Variants in TRPM7 observed in about 807,000 individuals in gnomAD.
TRPM7 encodes transient receptor potential cation channel subfamily M member 7.
Under a neutral mutation model 229.7 loss-of-function variants are expected in TRPM7, and 134 were observed. That is an observed-to-expected ratio of 0.58 (90% CI 0.51 to 0.67). The LOEUF (loss-of-function observed/expected upper bound fraction) is 0.67. TRPM7 is among the 30% of genes least tolerant of loss of function. The probability of loss-of-function intolerance (pLI) is 0.00; values close to 1 mark genes in which losing one functional copy is unlikely to be tolerated. For synonymous variants in TRPM7, 699 were observed against 715.2 expected (o/e 0.98, Z 0.36); for missense variants, 1,901 against 2,210.0 (o/e 0.86, Z 2.80).
chr15:50,565,201 C>T (rs1255176664), intron 38 of TRPM7, among the ~76,000 whole-genome samples: 1 of 151,970 alleles, frequency 6.6e-6, no homozygotes, highest in Non-Finnish European at 1.5e-5. Flanking sequence ...AGGCTGGTCT[C>T]GAACTCCTGA....
intron 10 of TRPM7, 63 bp from the exon 11 acceptor site, chr15:50,628,312 C>T (rs1315353724): frequency 1.4e-5 from 13 of 947,402 alleles, no homozygotes; most frequent in East Asian, 2.8e-5. Context: ...AAGGTGAACA[C>T]TTTTTTTTTT....
chr15:50,590,017 C>T (rs1171317026), intron 26 of TRPM7, among the ~76,000 whole-genome samples: 1 of 152,062 alleles, frequency 6.6e-6, no homozygotes, highest in Non-Finnish European at 1.5e-5. Flanking sequence ...GCCACCATGC[C>T]TGACTAATTT....
In TRPM7 at chr15:50,640,458, T is replaced by C. The variant is rs77782024; in HGVS notation, c.536-910A>G. Among the ~76,000 whole-genome samples the C allele has an allele frequency of 1.4e-3, 208 of 147,988 alleles. 2 individuals carry two copies. Among genetic ancestry groups the C allele is most frequent in the Non-Finnish European group, 1.5e-3 (102 of 66,818 alleles). ...TGCCGGGGTAATTTTTTTTTCTTTT[T>C]TTTTTTTTTTTTAGAAAGTGTCTTA... On this transcript the variant is annotated intron_variant, in intron 5 of 38. Coordinates refer to ENST00000646667, the MANE Select transcript of TRPM7 (RefSeq NM_017672.6).
intron 1 of TRPM7, among the ~76,000 whole-genome samples, chr15:50,672,279 C>A (rs2062006788): frequency 6.6e-6 from 1 of 151,980 alleles, no homozygotes. Context: ...TCTGGATCTC[C>A]TGACCTCGTG....
At position 50,654,802 on chromosome 15, in the gene TRPM7, C is replaced by T. The variant is rs918090851; in HGVS notation, c.122+2979G>A. Among the ~76,000 whole-genome samples the T allele has an allele frequency of 1.2e-4, 18 of 148,350 alleles. 1 individual carries two copies. The highest frequency in any genetic ancestry group is 3.0e-5 in the Non-Finnish European group (2 of 66,414). On this transcript the variant is annotated intron_variant, in intron 3 of 38. Coordinates refer to ENST00000646667, the MANE Select transcript of TRPM7 (RefSeq NM_017672.6). ...CACAAGGTCAGGAGATCAAGACCAT[C>T]CTGGCTAATAAGGTGAAACCCCATC...
Position 50,614,279 on chromosome 15 carries a change from T to C in TRPM7, c.1495-16A>G, listed in dbSNP as rs1241099326. ...GAAGATTTCCCTAGAAACAAAACAT[T>C]TGTTTTAAATAGATCAGATAGCACT... On this transcript the variant is annotated splice_polypyrimidine_tract_variant and intron_variant, in intron 13 of 38. Coordinates refer to ENST00000646667, the MANE Select transcript of TRPM7 (RefSeq NM_017672.6). The C allele has an allele frequency of 1.3e-6, 2 of 1,590,956 alleles. No individual in the cohort carries two copies. Among genetic ancestry groups the C allele is most frequent in the Admixed American group, 1.8e-5 (1 of 54,208 alleles).
At chr15:50,641,891 T>C (rs1453192901) in intron 5 of TRPM7, among the ~76,000 whole-genome samples, 2 of 151,800 alleles carry the variant, frequency 1.3e-5, no homozygotes, top group African/African-American at 2.4e-5. Context: ...TCCCAGCTAC[T>C]TGGGAGGCTG....
rs775350809 is a variant in TRPM7, at chr15:50,607,345, G to A, written c.2581-17C>T. On this transcript the variant is annotated splice_polypyrimidine_tract_variant and intron_variant, in intron 19 of 38. Coordinates refer to ENST00000646667, the MANE Select transcript of TRPM7 (RefSeq NM_017672.6). Reference sequence around the variant, plus strand: ...ATATGCCAACTAATGAAAAAGTAAAGGTTACATAAATAACATTGGTTACAA... The same window carrying A: ...ATATGCCAACTAATGAAAAAGTAAAAGTTACATAAATAACATTGGTTACAA... 7.2e-6 allele frequency: 11 copies of A among 1,523,620 alleles called. No homozygotes were observed. The highest frequency in any genetic ancestry group is 9.7e-6 in the Non-Finnish European group (11 of 1,134,152). 94.4% of individuals were successfully genotyped at this position (1,523,620 alleles called of 1,614,324 possible). A position where few individuals can be genotyped will look rare whatever the true frequency, so the allele number is the denominator to read the frequency against.
chr15:50,643,054 G>A (rs1243535827), intron 5 of TRPM7, among the ~76,000 whole-genome samples: 6 of 152,148 alleles, frequency 3.9e-5, no homozygotes, highest in Non-Finnish European at 7.4e-5. Flanking sequence ...CATTTTGGGA[G>A]GATAATTTTG....
At chr15:50,682,575 T>C (rs1488033147) in intron 1 of TRPM7, among the ~76,000 whole-genome samples, 1 of 134,498 alleles carries the variant, frequency 7.4e-6, no homozygotes. Flanking sequence ...AAACTCCATC[T>C]CAAAAAAAAA....
In TRPM7 at chr15:50,559,790, G is replaced by A. The variant is rs2053241112; in HGVS notation, c.*1888C>T. 6.6e-6 allele frequency: 1 copy of A among 151,876 alleles called. No homozygotes were observed. Among genetic ancestry groups the A allele is most frequent in the Admixed American group, 6.6e-5 (1 of 15,222 alleles). 9.4% of individuals were successfully genotyped at this position (151,876 alleles called of 1,614,324 possible). On this transcript the variant is annotated 3_prime_UTR_variant, in exon 39 of 39. Coordinates refer to ENST00000646667, the MANE Select transcript of TRPM7 (RefSeq NM_017672.6). ...ATAAGTGTTAGCAGCCAGGTGCGGT[G>A]GCTCACAAGGTCAGGAGTTTGTGAC...
chr15:50,604,792 A>C (rs2059879118), intron 21 of TRPM7, 74 bp downstream of exon 21: 2 of 1,383,582 alleles, frequency 1.4e-6, no homozygotes, highest in South Asian at 1.5e-5. Flanking sequence ...AAATAAAACT[A>C]TGTTAATAAC....
Position 50,619,735 on chromosome 15 carries a change from A to C in TRPM7, c.1494+10T>G. ...ATAACATTTTTCAAAAGCAAAAAAT[A>C]ATCTCTTACCTGTTTGACGTCTCGA... On this transcript the variant is annotated intron_variant, in intron 13 of 38. Coordinates refer to ENST00000646667, the MANE Select transcript of TRPM7 (RefSeq NM_017672.6). 6.4e-7 allele frequency: 1 copy of C among 1,564,166 alleles called. No individual in the cohort carries two copies. Among genetic ancestry groups the C allele is most frequent in the Non-Finnish European group, 8.6e-7 (1 of 1,162,410 alleles).
In TRPM7 at chr15:50,593,874, T is replaced by C. The variant is rs1010960917; in HGVS notation, c.3476-125A>G. Reference sequence around the variant, plus strand: ...CCATCATCTGCACTTTTTAAACTTTTACTACTATGCTTCTAAAGCACTAGA... The same window carrying C: ...CCATCATCTGCACTTTTTAAACTTTCACTACTATGCTTCTAAAGCACTAGA... On this transcript the variant is annotated intron_variant, in intron 24 of 38. Transcript: ENST00000646667. 1.3e-5 allele frequency: 12 copies of C among 895,400 alleles called. No homozygotes were observed. The African/African-American group carries it at 1.7e-4, about 13-fold the overall frequency. The allele number at this position is 895,400 out of a possible 1,614,324, so 55.5% of individuals were successfully genotyped here. A position where few individuals can be genotyped will look rare whatever the true frequency, so the allele number is the denominator to read the frequency against.
chr15:50,562,876 G>A (rs2053388214), intron 38 of TRPM7, among the ~76,000 whole-genome samples: 2 of 152,140 alleles, frequency 1.3e-5, no homozygotes, highest in African/African-American at 4.8e-5. Context: ...GTCTGGGCAG[G>A]AAAGCCAGAG....
rs190237378 is a variant in TRPM7 at position 50,668,086 on chromosome 15, A to G, written c.4-5040T>C. ...TATGGCTGTCCTAAGACTTTTTGTC[A>G]TCAACATACAACTGTTGTCATGTTT... On this transcript the variant is annotated intron_variant, in intron 1 of 38. Transcript: ENST00000646667. Among the ~76,000 whole-genome samples the G allele has an allele frequency of 4.3e-4, 66 of 152,356 alleles. 1 individual carries two copies. Among genetic ancestry groups the G allele is most frequent in the African/African-American group, 1.6e-3 (65 of 41,598 alleles).
At chr15:50,583,283 C>T in intron 28 of TRPM7, 124 bp from the exon 29 acceptor site, 2 of 525,434 alleles carry the variant, frequency 3.8e-6, no homozygotes, top group Non-Finnish European at 3.3e-6. Flanking sequence ...CTTTCCTCAA[C>T]ACGCTGAACA....
At chr15:50,648,967 C>A (rs2061343410) in intron 3 of TRPM7, 82 bp from the exon 4 acceptor site, 1 of 1,011,262 alleles carries the variant, frequency 9.9e-7, no homozygotes, top group Non-Finnish European at 1.4e-6. Context: ...AATGAACCGA[C>A]AAATATAAGC....
intron 14 of TRPM7, 41 bp downstream of exon 14, chr15:50,614,082 A>G (rs1434090070): frequency 6.5e-7 from 1 of 1,530,736 alleles, no homozygotes; most frequent in Non-Finnish European, 8.8e-7. Context: ...ATGTGTTAAT[A>G]TTAAAGCATA....
Sources: gnomAD v4.1 joint callset for allele counts (sites outside exome capture counted in the v4.1 genomes callset) on GRCh38, gnomAD v4.1.1 for gene constraint, MANE v1.5 for transcripts, NCBI Gene and HGNC (gene_info 2026-07-23, HGNC 2026-07-21) for gene names.